The following OSBPL10 variants were observed in gnomAD, a reference collection of about 807,000 sequenced individuals.
OSBPL10 encodes the protein oxysterol binding protein like 10, also known as oxysterol-binding protein-related protein 10.
In OSBPL10, 49 loss-of-function variants were observed where a neutral mutation model predicts 81.7. The observed-to-expected ratio is 0.60, with a 90% CI of 0.48 to 0.76. OSBPL10 has a LOEUF of 0.76. Among genes scored for constraint, OSBPL10 ranks in the 30% least tolerant of loss-of-function variants. The pLI is 0.00. For missense variants in OSBPL10, 923 were observed against 987.8 expected, an observed-to-expected ratio of 0.93 and a Z score of 0.88; for synonymous variants, 419 against 383.6, an observed-to-expected ratio of 1.09 and a Z score of -1.08.
chr3:32,003,949 G>A (rs1001344196), intron 2 of OSBPL10, among the ~76,000 whole-genome samples: 1 of 152,250 alleles, frequency 6.6e-6, no homozygotes, highest in African/African-American at 2.4e-5. Flanking sequence ...GTTTTTCTCT[G>A]CAAAACAACA....
intron 2 of OSBPL10, among the ~76,000 whole-genome samples, chr3:32,035,000 G>T (rs941803292): frequency 1.3e-5 from 2 of 152,140 alleles, no homozygotes; most frequent in Admixed American, 1.3e-4. Context: ...CATGAACATG[G>T]GGTTTTCCCA....
intron 4 of OSBPL10, among the ~76,000 whole-genome samples, chr3:31,759,829 G>A (rs1299226363): frequency 2.0e-5 from 3 of 151,944 alleles, no homozygotes; most frequent in East Asian, 1.9e-4. Flanking sequence ...GCACGATCTC[G>A]GCTTACTGCA....
chr3:31,709,391 C>T (rs1696181223), intron 6 of OSBPL10: 1 of 152,158 alleles, frequency 6.6e-6, no homozygotes, highest in Non-Finnish European at 1.5e-5. Flanking sequence ...AAGGAAGTCA[C>T]TTCTGGGGAG....
intron 3 of OSBPL10, among the ~76,000 whole-genome samples, chr3:31,837,323 AT>A (rs1700379555): frequency 2.8e-4 from 1 of 3,526 alleles, no homozygotes; most frequent in Non-Finnish European, 5.6e-4. Context: ...TCCCCAAATT[AT>A]ATATATATAT....
intron 3 of OSBPL10, among the ~76,000 whole-genome samples, chr3:31,835,064 T>C (rs908096050): frequency 6.6e-6 from 1 of 152,192 alleles, no homozygotes; most frequent in Admixed American, 6.5e-5. Flanking sequence ...TATAGGGGAA[T>C]GGTTGTTAAG....
rs111499581 is a variant in OSBPL10 at position 31,866,253 on chromosome 3, C to T, written c.537+10180G>A. Among the ~76,000 whole-genome samples, 450 of 152,256 alleles carry T rather than the reference C, an allele frequency of 3.0e-3. 3 individuals are homozygous for T. The highest frequency in any genetic ancestry group is 0.024 in the South Asian group (118 of 4,824). On this transcript the variant is annotated intron_variant, in intron 3 of 11. Coordinates refer to ENST00000396556, the MANE Select transcript of OSBPL10 (RefSeq NM_017784.5). ...CCAACAAACAAACCCTTTAATTCCC[C>T]GGAAGCAGTCCACACATCCCCTAGG...
intron 1 of OSBPL10, among the ~76,000 whole-genome samples, chr3:31,911,857 G>A (rs1696590044): frequency 6.6e-6 from 1 of 152,036 alleles, no homozygotes; most frequent in South Asian, 2.1e-4. Flanking sequence ...AACTTGGGTT[G>A]GCAAGTCTTG....
chr3:32,019,823 G>C (rs888140296), intron 2 of OSBPL10, among the ~76,000 whole-genome samples: 3 of 152,286 alleles, frequency 2.0e-5, no homozygotes, highest in Middle Eastern at 3.4e-3. Flanking sequence ...TTCAACTATA[G>C]TCTATTTCCT....
rs1365774128 is a variant in OSBPL10, at chr3:31,830,063, C to T, written c.706G>A (p.Gly236Ser). The stretch of plus-strand genomic sequence containing the variant: ...ACCTCTCTGACTTCGTGAAGCTGGC[C>T]GGAATACTGACTCTTGGCTCTTCGG... ...AARRAKSQYSGQLHEVREMMN... is the reference protein window; with the variant it reads ...AARRAKSQYSSQLHEVREMMN... Residue 236 changes from glycine to serine, a missense_variant, in exon 4 of 12, where the codon GGC (glycine) becomes AGC (serine). This residue lies in a region of OSBPL10 where 514 missense variants were observed against 508.0 expected (regional missense o/e 1.01). Transcript: ENST00000396556. The T allele has an allele frequency of 3.1e-6, 5 of 1,613,318 alleles. No homozygotes were observed. Among genetic ancestry groups the T allele is most frequent in the African/African-American group, 2.7e-5 (2 of 74,862 alleles).
intron 2 of OSBPL10, among the ~76,000 whole-genome samples, chr3:32,026,041 TA>T (rs750413453): frequency 6.9e-4 from 84 of 121,988 alleles, no homozygotes; most frequent in Non-Finnish European, 1.1e-3. Flanking sequence ...GATAGATAGA[TA>T]GATAGATAGA....
At chr3:31,714,793 T>A (rs1184847742) in intron 6 of OSBPL10, 1 of 152,840 alleles carries the variant, frequency 6.5e-6, no homozygotes, top group Non-Finnish European at 1.5e-5. Context: ...TACCACACCC[T>A]AGGTTTTGAC....
rs545152998 is a variant in OSBPL10 at position 31,932,200 on chromosome 3, T to C, written c.281+48699A>G. 1.2e-4 allele frequency among the ~76,000 whole-genome samples: 19 copies of C among 152,282 alleles called. No individual in the cohort carries two copies. The South Asian group carries it at 3.9e-3, about 32-fold the overall frequency. ...AAAAAAGTTTAAGAAAACCAAACAC[T>C]GTTATTTGCCAATGATAAGTTTATG... On this transcript the variant is annotated intron_variant, in intron 1 of 11. Transcript: ENST00000396556.
intron 1 of OSBPL10, among the ~76,000 whole-genome samples, chr3:31,901,411 C>A (rs1348400015): frequency 6.6e-6 from 1 of 152,162 alleles, no homozygotes; most frequent in Non-Finnish European, 1.5e-5. Flanking sequence ...CTTCCCAATG[C>A]CCCCACTTTC....
At chr3:31,908,636 G>GA (rs1262165285) in intron 1 of OSBPL10, among the ~76,000 whole-genome samples, 5 of 152,094 alleles carry the variant, frequency 3.3e-5, no homozygotes, top group Non-Finnish European at 7.4e-5. Flanking sequence ...TACTGGACAG[G>GA]AAAAAACATC....
intron 4 of OSBPL10, among the ~76,000 whole-genome samples, chr3:31,809,724 C>T (rs762070740): frequency 4.6e-5 from 7 of 152,058 alleles, no homozygotes; most frequent in Non-Finnish European, 1.0e-4. Context: ...GCCAACAAAC[C>T]AGAGAAAACC....
chr3:31,732,853 G>C, intron 6 of OSBPL10: 1 of 241,972 alleles, frequency 4.1e-6, no homozygotes, highest in South Asian at 5.0e-5. Context: ...TGCAGGAGTC[G>C]AGCATGTGAG....
At chr3:31,766,338 T>G (rs562534436) in intron 4 of OSBPL10, among the ~76,000 whole-genome samples, 370 of 20,614 alleles carry the variant, frequency 0.018, 8 homozygotes, top group Non-Finnish European at 0.036. Flanking sequence ...TGTTTTTTTG[T>G]TTTTTTTTGT....
intron 2 of OSBPL10, among the ~76,000 whole-genome samples, chr3:32,006,884 C>A (rs373967482): frequency 2.6e-5 from 4 of 152,034 alleles, no homozygotes; most frequent in Admixed American, 2.6e-4. Context: ...GAAAATGAAC[C>A]TATTCATGGA....
chr3:31,720,075 TTATATG>T (rs927656011), intron 6 of OSBPL10, among the ~76,000 whole-genome samples: 4 of 149,156 alleles, frequency 2.7e-5, no homozygotes, highest in Non-Finnish European at 4.4e-5. Flanking sequence ...ATTTTATATA[TTATATG>T]TATATGTTTG....
Sources: gnomAD v4.1 joint callset for allele counts (sites outside exome capture counted in the v4.1 genomes callset) on GRCh38, gnomAD v4.1.1 for gene constraint, gnomAD v4.1.1 regional missense constraint, MANE v1.5 for transcripts, NCBI Gene and HGNC (gene_info 2026-07-23, HGNC 2026-07-21) for gene names.